The following ARHGAP6 variants were observed in gnomAD, a reference collection of about 807,000 sequenced individuals.
The protein encoded by ARHGAP6 is rho GTPase-activating protein 6.
Under a neutral mutation model 55.7 loss-of-function variants are expected in ARHGAP6, and 16 were observed. The ratio of observed to expected loss-of-function variants is 0.29; its 90% CI spans 0.19 to 0.44. The LOEUF (loss-of-function observed/expected upper bound fraction) is 0.44. Ranked by LOEUF, ARHGAP6 falls within the 20% of genes least tolerant of loss-of-function variation. ARHGAP6 has a pLI of 1.00. For synonymous variants in ARHGAP6, 382 were observed against 360.9 expected, an observed-to-expected ratio of 1.06 and a Z score of -0.66; for missense variants, 698 against 808.9, an observed-to-expected ratio of 0.86 and a Z score of 1.66.
intron 1 of ARHGAP6, among the ~76,000 whole-genome samples, chrX:11,461,302 A>G (rs1394281870): frequency 8.9e-6 from 1 of 112,131 alleles, no homozygotes; most frequent in Non-Finnish European, 1.9e-5. Context: ...ACGAAAGAGT[A>G]AGAAGCTCAG....
chrX:11,624,152 A>G (rs2052265989), intron 1 of ARHGAP6, among the ~76,000 whole-genome samples: 1 of 112,313 alleles, frequency 8.9e-6, no homozygotes, highest in Admixed American at 9.4e-5. Context: ...AAATGATGCT[A>G]GGAAAACTGA....
intron 1 of ARHGAP6, among the ~76,000 whole-genome samples, chrX:11,484,395 A>G (rs2050489531): frequency 9.2e-6 from 1 of 108,624 alleles, no homozygotes; most frequent in Non-Finnish European, 1.9e-5. Flanking sequence ...AGGAAGAAGA[A>G]AAAGAGAAGG....
intron 1 of ARHGAP6, among the ~76,000 whole-genome samples, chrX:11,353,549 A>AGTGTGTGTGTGTGTGTGTGT (rs200177159): frequency 1.2e-5 from 1 of 82,473 alleles, no homozygotes; most frequent in Admixed American, 1.4e-4. Flanking sequence ...TATTGCTTAT[A>AGTGTGTGTGTGTGTGTGTGT]GTGTGTGTGT....
chrX:11,487,738 T>C (rs748046645), intron 1 of ARHGAP6, among the ~76,000 whole-genome samples: 1 of 111,872 alleles, frequency 8.9e-6, no homozygotes, highest in South Asian at 3.7e-4. Flanking sequence ...TAAAGGATTC[T>C]AACCCACTGA....
chrX:11,606,628 A>G (rs1402524605), intron 1 of ARHGAP6, among the ~76,000 whole-genome samples: 1 of 111,657 alleles, frequency 9.0e-6, no homozygotes, highest in African/African-American at 3.3e-5. Flanking sequence ...TCCAGGGAAC[A>G]CATAGGGGAA....
chrX:11,180,502 C>A (rs947239422), intron 6 of ARHGAP6, among the ~76,000 whole-genome samples: 1 of 110,843 alleles, frequency 9.0e-6, no homozygotes, highest in Non-Finnish European at 1.9e-5. Context: ...ACAAATAATT[C>A]ACTCTTAACA....
At chrX:11,294,334 AG>A (rs1364858386) in intron 1 of ARHGAP6, among the ~76,000 whole-genome samples, 3 of 112,466 alleles carry the variant, frequency 2.7e-5, no homozygotes, top group African/African-American at 9.7e-5. Flanking sequence ...AGCAATGTCC[AG>A]GTAGACTGTG....
rs966341869 is a variant in ARHGAP6 at position 11,553,416 on chromosome X, A to AT, written c.588+110824dup. On this transcript the variant is annotated intron_variant, in intron 1 of 12. Transcript: ENST00000337414. ...GCCACCATGCCCAGCTAATTTTTGT[A>AT]TTTTTTTTTAGACAGGAGGTCTCAC... Among the ~76,000 whole-genome samples the AT allele has an allele frequency of 1.5e-4, 16 of 108,572 alleles. 1 individual carries two copies. Among genetic ancestry groups the AT allele is most frequent in the African/African-American group, 3.0e-4 (9 of 29,872 alleles). The allele number at this position is 108,572 out of a possible 115,157, so 94.3% of individuals were successfully genotyped here. A position where few individuals can be genotyped will look rare whatever the true frequency, so the allele number is the denominator to read the frequency against.
chrX:11,522,746 G>A, intron 1 of ARHGAP6, among the ~76,000 whole-genome samples: 1 of 111,165 alleles, frequency 9.0e-6, no homozygotes, highest in Non-Finnish European at 1.9e-5. Flanking sequence ...ATAATTAATA[G>A]CTTACCAACC....
At chrX:11,174,380 C>T (rs1389808614) in intron 8 of ARHGAP6, among the ~76,000 whole-genome samples, 1 of 111,718 alleles carries the variant, frequency 9.0e-6, no homozygotes, top group Non-Finnish European at 1.9e-5. Flanking sequence ...GTGTCCTCAC[C>T]TCCTCCACCT....
rs1043794372 is a variant in ARHGAP6 at position 11,256,218 on chromosome X, C to T, written c.589-1511G>A. Among the ~76,000 whole-genome samples the T allele has an allele frequency of 8.0e-5, 9 of 111,817 alleles. No individual in the cohort carries two copies. In the South Asian group the frequency reaches 2.7e-3, roughly 33 times the overall value. On this transcript the variant is annotated intron_variant, in intron 1 of 12. Coordinates refer to ENST00000337414, the MANE Select transcript of ARHGAP6 (RefSeq NM_013427.3). Reference sequence around the variant, plus strand: ...CAGCCTGGCCAACATGGCAAAAGCCCGTCTCTACTAAAAATACAAAATTAG... The same window carrying T: ...CAGCCTGGCCAACATGGCAAAAGCCTGTCTCTACTAAAAATACAAAATTAG...
At chrX:11,454,013 G>A (rs1197521828) in intron 1 of ARHGAP6, among the ~76,000 whole-genome samples, 2 of 110,649 alleles carry the variant, frequency 1.8e-5, no homozygotes, top group South Asian at 3.9e-4. Context: ...GCACGATCTC[G>A]GCTCACTGCA....
Position 11,384,225 on chromosome X carries a change from C to A in ARHGAP6, c.589-129518G>T, listed in dbSNP as rs760511402. 2.6e-4 allele frequency among the ~76,000 whole-genome samples: 29 copies of A among 111,593 alleles called. No homozygotes were observed. In the South Asian group the frequency reaches 6.8e-3, roughly 26 times the overall value. On this transcript the variant is annotated intron_variant, in intron 1 of 12. Coordinates refer to ENST00000337414, the MANE Select transcript of ARHGAP6 (RefSeq NM_013427.3). ...CCAAGATTTTGGTCTCTAAAACTTTCAACTAAAAAGTGAAAGACACAGGGA... is the reference window on the plus strand; with the variant it reads ...CCAAGATTTTGGTCTCTAAAACTTTAAACTAAAAAGTGAAAGACACAGGGA...
intron 2 of ARHGAP6, among the ~76,000 whole-genome samples, chrX:11,241,710 C>T (rs767124173): frequency 5.7e-4 from 63 of 111,393 alleles, no homozygotes; most frequent in Non-Finnish European, 1.0e-3. Flanking sequence ...TAGACAAAGG[C>T]AGATAGGAAC....
chrX:11,534,310 AGAG>A (rs1202674274), intron 1 of ARHGAP6, among the ~76,000 whole-genome samples: 1 of 111,652 alleles, frequency 9.0e-6, no homozygotes, highest in Non-Finnish European at 1.9e-5. Flanking sequence ...TCTACACTCT[AGAG>A]AAGATGCTTA....
chrX:11,628,984 CGTGTGTGTGTGTGTGTGTGTGT>C (rs55999982), intron 1 of ARHGAP6, among the ~76,000 whole-genome samples: 2 of 101,455 alleles, frequency 2.0e-5, no homozygotes, highest in Non-Finnish European at 4.0e-5. Context: ...GCTTCAGATA[CGTGTGTGTGTGTGTGTGTGTGT>C]GTGTGTGTGT....
At chrX:11,654,847 A>C (rs924503049) in intron 1 of ARHGAP6, among the ~76,000 whole-genome samples, 2 of 112,298 alleles carry the variant, frequency 1.8e-5, no homozygotes, top group African/African-American at 6.5e-5. Context: ...TGAAAACAAG[A>C]TGTGGCAACA....
At chrX:11,542,959 T>C (rs1451417483) in intron 1 of ARHGAP6, among the ~76,000 whole-genome samples, 1 of 111,568 alleles carries the variant, frequency 9.0e-6, no homozygotes, top group Non-Finnish European at 1.9e-5. Context: ...GCAACCACCT[T>C]ACTGACCATG....
chrX:11,212,190 C>A (rs1029682722), intron 2 of ARHGAP6, among the ~76,000 whole-genome samples: 22 of 111,942 alleles, frequency 2.0e-4, no homozygotes, highest in African/African-American at 6.5e-4. Context: ...TAGTTGGATT[C>A]CTGAAGGTGC....
Sources: gnomAD v4.1 joint callset for allele counts (sites outside exome capture counted in the v4.1 genomes callset) on GRCh38, gnomAD v4.1.1 for gene constraint, MANE v1.5 for transcripts, NCBI Gene and HGNC (gene_info 2026-07-23, HGNC 2026-07-21) for gene names.